PFDN2: variants seen among roughly 807,000 people sequenced by gnomAD.
PFDN2 encodes the protein prefoldin 2.
Under a neutral mutation model 18.3 loss-of-function variants are expected in PFDN2, and 7 were observed. The observed-to-expected ratio is 0.38, with a 90% CI of 0.22 to 0.72. The LOEUF (loss-of-function observed/expected upper bound fraction) is 0.72. PFDN2 is among the 30% of genes least tolerant of loss of function. The pLI is 0.47. For missense variants in PFDN2, 181 were observed against 199.1 expected, an observed-to-expected ratio of 0.91 and a Z score of 0.55; for synonymous variants, 76 against 75.0, an observed-to-expected ratio of 1.01 and a Z score of -0.07.
chr1:161,115,879 A>G (rs910553243), intron 1 of PFDN2, among the ~76,000 whole-genome samples: 1 of 152,142 alleles, frequency 6.6e-6, no homozygotes, highest in Non-Finnish European at 1.5e-5. Flanking sequence ...GAGCTACAGT[A>G]TCTGTATCGC....
intron 1 of PFDN2, among the ~76,000 whole-genome samples, chr1:161,110,843 CTT>C (rs200704754): frequency 2.5e-5 from 3 of 118,250 alleles, no homozygotes; most frequent in East Asian, 2.4e-4. Context: ...TTTGTAGAGA[CTT>C]TTTTTTTTTT....
At chr1:161,109,013 C>T (rs1180257103) in intron 1 of PFDN2, among the ~76,000 whole-genome samples, 1 of 152,120 alleles carries the variant, frequency 6.6e-6, no homozygotes, top group African/African-American at 2.4e-5. Context: ...ATAAATCTAA[C>T]CAATTATTCC....
intron 1 of PFDN2, among the ~76,000 whole-genome samples, chr1:161,113,133 A>G (rs1281210932): frequency 1.3e-5 from 2 of 152,180 alleles, no homozygotes; most frequent in East Asian, 3.9e-4. Flanking sequence ...AATATAACAT[A>G]TATCCTTCTG....
rs35647606 is a variant in PFDN2, at chr1:161,108,457, C to CAA, written c.76-6084_76-6083dup. Among the ~76,000 whole-genome samples the CAA allele has an allele frequency of 2.9e-3, 372 of 127,766 alleles. 1 individual carries two copies. The highest frequency in any genetic ancestry group is 0.011 in the East Asian group (49 of 4,534). 83.8% of individuals were successfully genotyped at this position (127,766 alleles called of 152,430 possible). ...TGGGCACAAGACCGAAACTCCGTCTCAAAAAAAAAAAAAAGGAGAATCACT... is the reference window on the plus strand; with the variant it reads ...TGGGCACAAGACCGAAACTCCGTCTCAAAAAAAAAAAAAAAAGGAGAATCACT... On this transcript the variant is annotated intron_variant, in intron 1 of 3. Coordinates refer to ENST00000368010, the MANE Select transcript of PFDN2 (RefSeq NM_012394.4).
At chr1:161,104,082 T>G (rs1174497324) in intron 1 of PFDN2, among the ~76,000 whole-genome samples, 1 of 152,238 alleles carries the variant, frequency 6.6e-6, no homozygotes, top group Non-Finnish European at 1.5e-5. Flanking sequence ...AATTCTAATG[T>G]GTAGTGTGAA....
chr1:161,110,274 T>C (rs1042785164), intron 1 of PFDN2, among the ~76,000 whole-genome samples: 46 of 151,274 alleles, frequency 3.0e-4, no homozygotes, highest in Non-Finnish European at 5.3e-4. Flanking sequence ...GGCAAAAGAA[T>C]TGCTTGCACC....
chr1:161,102,020 C>A, intron 3 of PFDN2, 28 bp downstream of exon 3: 1 of 1,613,428 alleles, frequency 6.2e-7, no homozygotes, highest in Non-Finnish European at 8.5e-7. Context: ...GCCACTGTAC[C>A]CGATCCTATT....
intron 1 of PFDN2, among the ~76,000 whole-genome samples, chr1:161,115,301 T>A (rs1654886747): frequency 6.6e-6 from 1 of 152,194 alleles, no homozygotes; most frequent in South Asian, 2.1e-4. Flanking sequence ...TGACCTCAGA[T>A]GATCCACCCA....
At chr1:161,116,789 G>A (rs956079614) in intron 1 of PFDN2, among the ~76,000 whole-genome samples, 1 of 150,510 alleles carries the variant, frequency 6.6e-6, no homozygotes, top group Non-Finnish European at 1.5e-5. Context: ...TTGAACCCGG[G>A]AGGTGGAGGC....
intron 1 of PFDN2, among the ~76,000 whole-genome samples, chr1:161,111,205 G>C (rs2101705621): frequency 6.6e-6 from 1 of 152,166 alleles, no homozygotes; most frequent in East Asian, 1.9e-4. Context: ...AGATCCTCCT[G>C]CCTCAGCCTC....
At chr1:161,102,471 G>C (rs1654587740) in intron 1 of PFDN2, 96 bp from the exon 2 acceptor site, 1 of 847,788 alleles carries the variant, frequency 1.2e-6, no homozygotes. Flanking sequence ...AGGTGCAGTA[G>C]TGGGCACCTA....
chr1:161,111,225 T>A (rs1422560273), intron 1 of PFDN2, among the ~76,000 whole-genome samples: 1 of 152,190 alleles, frequency 6.6e-6, no homozygotes, highest in Non-Finnish European at 1.5e-5. Context: ...CCCCAAGTAC[T>A]GGGATCCAAG....
intron 1 of PFDN2, among the ~76,000 whole-genome samples, chr1:161,105,754 C>T (rs1037779269): frequency 2.6e-5 from 4 of 152,090 alleles, no homozygotes; most frequent in Admixed American, 6.6e-5. Flanking sequence ...CCACTGCACC[C>T]GCCTGAGATT....
intron 1 of PFDN2, among the ~76,000 whole-genome samples, chr1:161,103,658 C>T (rs374494646): frequency 2.4e-5 from 3 of 126,326 alleles, no homozygotes; most frequent in South Asian, 5.3e-4. Flanking sequence ...ACACTACAGC[C>T]TGGCAACAGA....
chr1:161,105,446 T>A (rs1654658570), intron 1 of PFDN2, among the ~76,000 whole-genome samples: 1 of 151,950 alleles, frequency 6.6e-6, no homozygotes, highest in Admixed American at 6.6e-5. Context: ...TTAACAGGAA[T>A]CTACTTTTCT....
intron 1 of PFDN2, among the ~76,000 whole-genome samples, chr1:161,113,936 T>C (rs1275527513): frequency 1.3e-5 from 2 of 152,208 alleles, no homozygotes; most frequent in African/African-American, 4.8e-5. Context: ...GGCAAGAGAA[T>C]GTTAATCAAG....
intron 3 of PFDN2, among the ~76,000 whole-genome samples, chr1:161,101,222 T>G (rs1231600014): frequency 6.6e-6 from 1 of 151,924 alleles, no homozygotes; most frequent in Non-Finnish European, 1.5e-5. Flanking sequence ...TTTTTTGAGT[T>G]GCAGCATCGC....
At chr1:161,102,249 C>T (rs373558052) in intron 2 of PFDN2, 38 bp downstream of exon 2, 1 of 1,610,822 alleles carries the variant, frequency 6.2e-7, no homozygotes, top group African/African-American at 1.3e-5. Context: ...GTAGCCCACA[C>T]AACTGTCCTA....
chr1:161,107,306 TC>T (rs1400022515), intron 1 of PFDN2, among the ~76,000 whole-genome samples: 1 of 151,264 alleles, frequency 6.6e-6, no homozygotes, highest in African/African-American at 2.4e-5. Context: ...ATGCCTGTAG[TC>T]CCAGCTACTT....
Sources: gnomAD v4.1 joint callset for allele counts (sites outside exome capture counted in the v4.1 genomes callset) on GRCh38, gnomAD v4.1.1 for gene constraint, MANE v1.5 for transcripts, NCBI Gene and HGNC (gene_info 2026-07-23, HGNC 2026-07-21) for gene names.